UNC13C: variants seen among roughly 807,000 people sequenced by gnomAD.
UNC13C encodes unc-13 homolog C.
Under a neutral mutation model 245.4 loss-of-function variants are expected in UNC13C, and 174 were observed. The ratio of observed to expected loss-of-function variants is 0.71; its 90% CI spans 0.63 to 0.80. The LOEUF is 0.80. Among genes scored for constraint, UNC13C ranks in the 30% least tolerant of loss-of-function variants. The probability of loss-of-function intolerance (pLI) is 0.00; values close to 1 mark genes in which losing one functional copy is unlikely to be tolerated. For synonymous variants in UNC13C, 992 were observed against 895.1 expected (o/e 1.11, Z -1.93); for missense variants, 2,829 against 2,602.9 (o/e 1.09, Z -1.89).
At chr15:54,085,650 T>A (rs887994640) in intron 2 of UNC13C, among the ~76,000 whole-genome samples, 3 of 152,168 alleles carry the variant, frequency 2.0e-5, no homozygotes, top group Non-Finnish European at 4.4e-5. Context: ...GTCTCCTTTG[T>A]CACCCAGGCT....
the UNC13C span, among the ~76,000 whole-genome samples, chr15:53,862,825 G>A: frequency 3.3e-5 from 5 of 152,030 alleles, no homozygotes; most frequent in African/African-American, 1.2e-4. Flanking sequence ...CACTTTTTAG[G>A]TTAGGGCTCC....
chr15:54,342,881 C>T (rs1295282196), intron 17 of UNC13C, among the ~76,000 whole-genome samples: 2 of 152,184 alleles, frequency 1.3e-5, no homozygotes, highest in East Asian at 1.9e-4. Context: ...TTGTTCATAA[C>T]TTTAGCTTAT....
chr15:54,107,934 T>C (rs1400618714), intron 2 of UNC13C, among the ~76,000 whole-genome samples: 1 of 152,202 alleles, frequency 6.6e-6, no homozygotes, highest in African/African-American at 2.4e-5. Flanking sequence ...TGTCCTTTAT[T>C]CTAAAAGTTA....
At position 54,013,222 on chromosome 15, in the gene UNC13C, A is replaced by G. The variant is rs1895465265; in HGVS notation, c.319A>G (p.Lys107Glu). ...TGCCAATGGCCTACAAAAGAATGCT[A>G]AAGTAACCAACAGTGATAATGAGGA... ...AIANGLQKNA[K>E]VTNSDNEDLL... Residue 107 changes from lysine (K) to glutamate (E), a missense_variant, in exon 2 of 33, where the codon AAA becomes GAA. Coordinates refer to ENST00000260323, the MANE Select transcript of UNC13C (RefSeq NM_001080534.3). 4 of 1,613,810 alleles carry G rather than the reference A, an allele frequency of 2.5e-6. No individual in the cohort carries two copies. Among genetic ancestry groups the G allele is most frequent in the Non-Finnish European group, 3.4e-6 (4 of 1,179,828 alleles).
At chr15:53,842,754 A>G in the UNC13C span, among the ~76,000 whole-genome samples, 1 of 152,112 alleles carries the variant, frequency 6.6e-6, no homozygotes, top group African/African-American at 2.4e-5. Flanking sequence ...CCCAGAAGTG[A>G]CTGACATCTG....
the UNC13C span, among the ~76,000 whole-genome samples, chr15:53,843,339 C>G: frequency 1.3e-5 from 2 of 152,006 alleles, no homozygotes; most frequent in Non-Finnish European, 2.9e-5. Flanking sequence ...CCTAGTGACT[C>G]AGGAGACTGA....
At chr15:54,494,432 A>G (rs1455820777) in intron 19 of UNC13C, among the ~76,000 whole-genome samples, 176 bp from the exon 20 acceptor site, 1 of 152,034 alleles carries the variant, frequency 6.6e-6, no homozygotes, top group Non-Finnish European at 1.5e-5. Context: ...TGTGGGACTT[A>G]TAATTATTTC....
At chr15:54,145,204 TTTTAG>T (rs1281168872) in intron 4 of UNC13C, among the ~76,000 whole-genome samples, 1 of 152,078 alleles carries the variant, frequency 6.6e-6, no homozygotes, top group Admixed American at 6.6e-5. Flanking sequence ...TAGAGGCATG[TTTTAG>T]TTTTTTTATC....
chr15:54,228,631 G>A (rs556559540), intron 4 of UNC13C, among the ~76,000 whole-genome samples: 1 of 152,260 alleles, frequency 6.6e-6, no homozygotes, highest in Non-Finnish European at 1.5e-5. Flanking sequence ...CTGGCCTAGG[G>A]TGTGCCTAGA....
chr15:54,328,533 C>T (rs1041637698), intron 14 of UNC13C, among the ~76,000 whole-genome samples: 8 of 152,068 alleles, frequency 5.3e-5, no homozygotes, highest in African/African-American at 1.9e-4. Flanking sequence ...GCTTAAGCAT[C>T]ATTAGCTTCT....
At chr15:54,542,662 G>C (rs908108967) in intron 26 of UNC13C, among the ~76,000 whole-genome samples, 15 of 152,098 alleles carry the variant, frequency 9.9e-5, no homozygotes, top group Non-Finnish European at 1.8e-4. Context: ...CTAAGAACTT[G>C]CTTTATGAAT....
intron 22 of UNC13C, among the ~76,000 whole-genome samples, chr15:54,501,927 C>G (rs1006680206): frequency 6.6e-6 from 1 of 152,102 alleles, no homozygotes; most frequent in Non-Finnish European, 1.5e-5. Flanking sequence ...AGTGAAGATA[C>G]CCCAGATCTT....
chr15:54,578,597 T>A (rs1211758674), intron 30 of UNC13C, among the ~76,000 whole-genome samples: 1 of 152,246 alleles, frequency 6.6e-6, no homozygotes, highest in African/African-American at 2.4e-5. Flanking sequence ...AAGTTACGTA[T>A]AAAGTTTACC....
rs1273382848 is a variant in UNC13C, at chr15:54,408,061, C to T, written c.4848-6921C>T. 5.3e-5 allele frequency among the ~76,000 whole-genome samples: 8 copies of T among 151,570 alleles called. No individual in the cohort carries two copies. In the South Asian group the frequency reaches 6.3e-4, roughly 12 times the overall value. Reference sequence around the variant, plus strand: ...CTAAAAATACAAAAAATTAGCCGGGCATGGTGGCGGGCGCCTGTAGTCCCA... The same window carrying T: ...CTAAAAATACAAAAAATTAGCCGGGTATGGTGGCGGGCGCCTGTAGTCCCA... On this transcript the variant is annotated intron_variant, in intron 18 of 32. Coordinates refer to ENST00000260323, the MANE Select transcript of UNC13C (RefSeq NM_001080534.3).
At chr15:54,509,959 T>C (rs1422022563) in intron 23 of UNC13C, among the ~76,000 whole-genome samples, 3 of 152,170 alleles carry the variant, frequency 2.0e-5, no homozygotes, top group African/African-American at 4.8e-5. Flanking sequence ...TAGCAATCCA[T>C]GTCAAGTGAG....
intron 4 of UNC13C, among the ~76,000 whole-genome samples, chr15:54,163,255 A>C (rs1567059997): frequency 1.3e-5 from 2 of 152,164 alleles, no homozygotes; most frequent in African/African-American, 4.8e-5. Flanking sequence ...GTGATACACA[A>C]AGGGGCTACT....
intron 17 of UNC13C, among the ~76,000 whole-genome samples, chr15:54,348,288 C>T (rs1266211095): frequency 1.3e-5 from 2 of 152,104 alleles, no homozygotes; most frequent in African/African-American, 4.8e-5. Context: ...TTCCCTTCCG[C>T]TAGACAGAAT....
At chr15:53,860,351 A>C in the UNC13C span, among the ~76,000 whole-genome samples, 8 of 152,276 alleles carry the variant, frequency 5.3e-5, no homozygotes, top group South Asian at 1.5e-3. Context: ...TATTTTGAGG[A>C]TCCTCAGGGA....
chr15:54,203,352 C>G (rs1267616390), intron 4 of UNC13C, among the ~76,000 whole-genome samples: 2 of 151,304 alleles, frequency 1.3e-5, no homozygotes, highest in African/African-American at 4.8e-5. Context: ...AAAGAAGTCA[C>G]TATACCAAAA....
Sources: allele counts gnomAD v4.1 joint callset (sites outside exome capture counted in the v4.1 genomes callset), GRCh38; gene constraint gnomAD v4.1.1; transcripts MANE v1.5; gene names NCBI Gene and HGNC (gene_info 2026-07-23, HGNC 2026-07-21).